Variants in HCN1 observed in about 807,000 individuals in gnomAD.
The protein encoded by HCN1 is potassium/sodium hyperpolarization-activated cyclic nucleotide-gated channel 1.
Under a neutral mutation model 78.9 loss-of-function variants are expected in HCN1, and 13 were observed. The observed-to-expected ratio is 0.16, with a 90% confidence interval of 0.11 to 0.26. HCN1 has a LOEUF of 0.26. HCN1 is among the 10% of genes least tolerant of loss of function. The probability of loss-of-function intolerance (pLI) is 1.00; values close to 1 mark genes in which losing one functional copy is unlikely to be tolerated. For synonymous variants in HCN1, 552 were observed against 455.5 expected, an observed-to-expected ratio of 1.21 and a Z score of -2.70; for missense variants, 810 against 1,154.3, an observed-to-expected ratio of 0.70 and a Z score of 4.32.
intron 4 of HCN1, among the ~76,000 whole-genome samples, chr5:45,388,894 G>A (rs963856209): frequency 6.6e-6 from 1 of 152,150 alleles, no homozygotes; most frequent in South Asian, 2.1e-4. Flanking sequence ...ATGTCCACCC[G>A]CTAAAATGGA....
At chr5:45,353,003 G>T in intron 5 of HCN1, 97 bp downstream of exon 5, 2 of 1,022,892 alleles carry the variant, frequency 2.0e-6, no homozygotes, top group Non-Finnish European at 1.5e-6. Flanking sequence ...ATAAGTTTAG[G>T]TTTTTCTTTA....
intron 4 of HCN1, among the ~76,000 whole-genome samples, chr5:45,364,069 C>T (rs1013111753): frequency 2.6e-5 from 4 of 152,078 alleles, no homozygotes; most frequent in African/African-American, 9.7e-5. Flanking sequence ...CTGAGCCCTT[C>T]CTCCTAAGAC....
At chr5:45,683,415 G>A (rs912791841) in intron 1 of HCN1, among the ~76,000 whole-genome samples, 5 of 151,960 alleles carry the variant, frequency 3.3e-5, no homozygotes, top group African/African-American at 1.2e-4. Flanking sequence ...TAATTTATCT[G>A]TTGGTTCAAT....
At chr5:45,660,597 G>A (rs990557160) in intron 1 of HCN1, among the ~76,000 whole-genome samples, 13 of 152,072 alleles carry the variant, frequency 8.5e-5, no homozygotes, top group African/African-American at 2.7e-4. Flanking sequence ...CAAAATAAAA[G>A]CATGGAAGAA....
At chr5:45,307,792 A>C (rs751199691) in intron 5 of HCN1, among the ~76,000 whole-genome samples, 3 of 152,146 alleles carry the variant, frequency 2.0e-5, no homozygotes, top group African/African-American at 4.8e-5. Flanking sequence ...GAATCTGAGT[A>C]ATGTTCGGAC....
At chr5:45,632,704 A>T (rs1285889514) in intron 2 of HCN1, among the ~76,000 whole-genome samples, 1 of 152,046 alleles carries the variant, frequency 6.6e-6, no homozygotes, top group Non-Finnish European at 1.5e-5. Flanking sequence ...AACTGAAGAG[A>T]TATTTTACAA....
chr5:45,691,399 G>A (rs1486143974), intron 1 of HCN1, among the ~76,000 whole-genome samples: 2 of 151,984 alleles, frequency 1.3e-5, no homozygotes, highest in African/African-American at 4.8e-5. Context: ...ATGCAACAGT[G>A]AAACATTTGC....
intron 2 of HCN1, among the ~76,000 whole-genome samples, chr5:45,582,836 A>G (rs1421158116): frequency 2.0e-5 from 3 of 152,158 alleles, no homozygotes; most frequent in African/African-American, 7.2e-5. Flanking sequence ...TGATTTGTGT[A>G]TGTTGAACCA....
At chr5:45,657,957 AG>A (rs1745809407) in intron 1 of HCN1, among the ~76,000 whole-genome samples, 1 of 152,234 alleles carries the variant, frequency 6.6e-6, no homozygotes, top group African/African-American at 2.4e-5. Flanking sequence ...AAAAGAACAA[AG>A]CCGGAGGCAT....
chr5:45,367,108 G>A (rs2111999309), intron 4 of HCN1, among the ~76,000 whole-genome samples: 1 of 151,866 alleles, frequency 6.6e-6, no homozygotes, highest in African/African-American at 2.4e-5. Flanking sequence ...GTAAGGAGAT[G>A]TTATTAGAAG....
intron 1 of HCN1, among the ~76,000 whole-genome samples, chr5:45,669,448 C>G (rs1746109253): frequency 6.6e-6 from 1 of 151,684 alleles, no homozygotes; most frequent in Non-Finnish European, 1.5e-5. Flanking sequence ...ATTCACATGG[C>G]AGAAGACAGT....
chr5:45,260,466 A>G lies in HCN1; in HGVS notation c.*1455T>C, dbSNP rs1744709461. On this transcript the variant is annotated 3_prime_UTR_variant, in exon 8 of 8. Transcript: ENST00000303230. ...AACTTTACCCCTGCTTTCTGTCACCATGTCTGTACTATTTTCAACACATTA... is the reference window on the plus strand; with the variant it reads ...AACTTTACCCCTGCTTTCTGTCACCGTGTCTGTACTATTTTCAACACATTA... 1 of 152,208 alleles carries G rather than the reference A, an allele frequency of 6.6e-6. No individual in the cohort carries two copies. Among genetic ancestry groups the G allele is most frequent in the Non-Finnish European group, 1.5e-5 (1 of 68,032 alleles). The allele number at this position is 152,208 out of a possible 1,614,324, so 9.4% of individuals were successfully genotyped here. A position where few individuals can be genotyped will look rare whatever the true frequency, so the allele number is the denominator to read the frequency against.
At chr5:45,492,877 T>C (rs1741918379) in intron 2 of HCN1, among the ~76,000 whole-genome samples, 1 of 152,148 alleles carries the variant, frequency 6.6e-6, no homozygotes, top group Non-Finnish European at 1.5e-5. Flanking sequence ...AAAAACTCTT[T>C]GAGGCATGAG....
chr5:45,324,944 T>C (rs1463744899), intron 5 of HCN1, among the ~76,000 whole-genome samples: 1 of 151,794 alleles, frequency 6.6e-6, no homozygotes, highest in Non-Finnish European at 1.5e-5. Context: ...TTTGGAGCAG[T>C]CCTTAGTGCC....
At chr5:45,290,192 C>A (rs1437415513) in intron 6 of HCN1, among the ~76,000 whole-genome samples, 1 of 152,040 alleles carries the variant, frequency 6.6e-6, no homozygotes, top group Non-Finnish European at 1.5e-5. Context: ...TTGCCTTCTA[C>A]CATGACTGTG....
chr5:45,353,272 A>T (rs1746948537), intron 4 of HCN1, 26 bp from the exon 5 acceptor site: 1 of 1,530,600 alleles, frequency 6.5e-7, no homozygotes, highest in African/African-American at 1.4e-5. Context: ...AATAAAATTA[A>T]AAAAAAACAT....
chr5:45,267,297 T>G (rs1744877475), intron 6 of HCN1, 44 bp from the exon 7 acceptor site: 12 of 1,598,504 alleles, frequency 7.5e-6, no homozygotes, highest in East Asian at 6.7e-5. Context: ...TTTGATCATT[T>G]TCTTTTAAAA....
intron 2 of HCN1, among the ~76,000 whole-genome samples, chr5:45,613,871 A>G (rs1744891696): frequency 6.6e-6 from 1 of 152,184 alleles, no homozygotes. Flanking sequence ...CTGTGGTAGA[A>G]ATAGTCTCAA....
At chr5:45,315,322 CA>C (rs1434064442) in intron 5 of HCN1, among the ~76,000 whole-genome samples, 4 of 152,106 alleles carry the variant, frequency 2.6e-5, no homozygotes, top group African/African-American at 9.7e-5. Flanking sequence ...CTACTGGGTA[CA>C]CAGCGAAATG....
Sources: gnomAD v4.1 joint callset for allele counts (sites outside exome capture counted in the v4.1 genomes callset) on GRCh38, gnomAD v4.1.1 for gene constraint, MANE v1.5 for transcripts, NCBI Gene and HGNC (gene_info 2026-07-23, HGNC 2026-07-21) for gene names.